XPNPEP2: variants seen among roughly 807,000 people sequenced by gnomAD.
The protein encoded by XPNPEP2 is X-prolyl aminopeptidase 2, also known as xaa-Pro aminopeptidase 2.
A neutral mutation model predicts 59.8 loss-of-function variants in XPNPEP2; 64 were observed. The observed-to-expected ratio is 1.07, with a 90% confidence interval of 0.87 to 1.32. The LOEUF is 1.32. Among genes scored for constraint, XPNPEP2 ranks in the 40% most tolerant of loss-of-function variants. The pLI is 0.00. For missense variants in XPNPEP2, 575 were observed against 546.8 expected (o/e 1.05, Z -0.51); for synonymous variants, 235 against 210.0 (o/e 1.12, Z -1.03).
At chrX:129,763,293 G>A (rs1926689895) in intron 19 of XPNPEP2, among the ~76,000 whole-genome samples, 1 of 112,248 alleles carries the variant, frequency 8.9e-6, no homozygotes, top group Non-Finnish European at 1.9e-5. Flanking sequence ...GTGCTAACTG[G>A]ATACTTTTGT....
intron 2 of XPNPEP2, among the ~76,000 whole-genome samples, chrX:129,742,968 G>C (rs969287504): frequency 2.7e-5 from 3 of 111,923 alleles, no homozygotes; most frequent in African/African-American, 9.7e-5. Flanking sequence ...GGGAGGCCTA[G>C]GGTGTGCAGA....
At chrX:129,748,508 T>A (rs1331270593) in intron 7 of XPNPEP2, among the ~76,000 whole-genome samples, 1 of 111,970 alleles carries the variant, frequency 8.9e-6, no homozygotes, top group Non-Finnish European at 1.9e-5. Context: ...CTAGTAACAT[T>A]GATCAAGCCA....
chrX:129,751,587 A>AAAGG (rs1926410289), intron 8 of XPNPEP2, among the ~76,000 whole-genome samples, 158 bp from the exon 9 acceptor site: 1 of 66,089 alleles, frequency 1.5e-5, no homozygotes, highest in Admixed American at 1.8e-4. Context: ...AGAAAGAAAG[A>AAAGG]AAGAAAGAAA....
rs1419614148 is a variant in XPNPEP2 at position 129,753,756 on chromosome X, G to A, written c.1107+508G>A. Reference sequence around the variant, plus strand: ...TACAGTGGTTTAGAGCACAGGCCCTGGAGCTAGGGTGCCTTGAGTTCAAAC... The same window carrying A: ...TACAGTGGTTTAGAGCACAGGCCCTAGAGCTAGGGTGCCTTGAGTTCAAAC... On this transcript the variant is annotated intron_variant, in intron 11 of 20. Coordinates refer to ENST00000371106, the MANE Select transcript of XPNPEP2 (RefSeq NM_003399.6). 6.3e-5 allele frequency among the ~76,000 whole-genome samples: 7 copies of A among 111,885 alleles called. No individual in the cohort carries two copies. In the Admixed American group the frequency reaches 6.6e-4, roughly 11 times the overall value.
Position 129,768,540 on chromosome X carries a change from G to A in XPNPEP2, c.*55G>A, listed in dbSNP as rs1204951550. ...TCTAGATGGGGGGCTCCCTTGCTTAGCTCCCCTCACCCTGCACTGAACATA... is the reference window on the plus strand; with the variant it reads ...TCTAGATGGGGGGCTCCCTTGCTTAACTCCCCTCACCCTGCACTGAACATA... On this transcript the variant is annotated 3_prime_UTR_variant, in exon 21 of 21. Transcript: ENST00000371106. 71 of 1,048,390 alleles carry A rather than the reference G, an allele frequency of 6.8e-5. No individual in the cohort carries two copies. Among genetic ancestry groups the A allele is most frequent in the Non-Finnish European group, 8.8e-5 (70 of 796,845 alleles). The allele number at this position is 1,048,390 out of a possible 1,213,427, so 86.4% of individuals were successfully genotyped here.
intron 5 of XPNPEP2, 101 bp from the exon 6 acceptor site, chrX:129,746,494 G>A: frequency 3.1e-6 from 3 of 977,265 alleles, no homozygotes; most frequent in South Asian, 3.9e-5. Flanking sequence ...CTGATCTCAA[G>A]GAAGACACAC....
At chrX:129,752,389 C>T (rs1569476717) in intron 10 of XPNPEP2, 44 bp downstream of exon 10, 1 of 1,174,931 alleles carries the variant, frequency 8.5e-7, no homozygotes, top group South Asian at 1.9e-5. Context: ...CCAATCCCCA[C>T]TCTAGGCCTG....
At chrX:129,747,865 C>G in intron 7 of XPNPEP2, 112 bp downstream of exon 7, 1 of 1,076,015 alleles carries the variant, frequency 9.3e-7, no homozygotes, top group Middle Eastern at 2.5e-4. Flanking sequence ...GGTTTGCAAA[C>G]CTTAGCATGC....
Position 129,754,501 on chromosome X carries a change from C to T in XPNPEP2, c.1137C>T (p.Tyr379=). Residue 379 remains tyrosine (Y), a synonymous_variant, in exon 12 of 21, where the codon TAC becomes TAT. Coordinates refer to ENST00000371106, the MANE Select transcript of XPNPEP2 (RefSeq NM_003399.6). The part of the protein sequence containing the change: ...HVRDAVAVIR[Y]LVWLEKNVPK... ...GGGACGCTGTGGCTGTGATCCGGTA[C>T]TTGGTCTGGCTGGAGAAGAACGTGC... The T allele has an allele frequency of 8.4e-7, 1 of 1,194,502 alleles. No individual in the cohort carries two copies. Among genetic ancestry groups the T allele is most frequent in the Non-Finnish European group, 1.1e-6 (1 of 887,659 alleles).
chrX:129,767,515 C>T (rs763262475), intron 19 of XPNPEP2, 88 bp from the exon 20 acceptor site: 35 of 951,584 alleles, frequency 3.7e-5, no homozygotes, highest in South Asian at 3.2e-4. Flanking sequence ...TTGTGTCCTC[C>T]GGGTGGAGTG....
At chrX:129,760,712 G>C (rs1926640849) in intron 16 of XPNPEP2, 131 bp downstream of exon 16, 1 of 694,837 alleles carries the variant, frequency 1.4e-6, no homozygotes, top group Non-Finnish European at 2.2e-6. Context: ...AGAAAATCCA[G>C]CCTAGAGAGA....
intron 1 of XPNPEP2, 122 bp downstream of exon 1, chrX:129,739,384 A>G: frequency 2.7e-6 from 2 of 736,292 alleles, no homozygotes; most frequent in Non-Finnish European, 2.0e-6. Context: ...CTCTGACTTG[A>G]GGAAGAGACA....
chrX:129,739,201 A>T lies in XPNPEP2; in HGVS notation c.-13A>T, dbSNP rs1171566142. On this transcript the variant is annotated 5_prime_UTR_variant, in exon 1 of 21. Coordinates refer to ENST00000371106, the MANE Select transcript of XPNPEP2 (RefSeq NM_003399.6). ...GTCCCTCCATCCACCCAGCGCCGGC[A>T]TCTGGAGACCCTATGGCCCGGGCTC... is the stretch of plus-strand genomic sequence containing the variant. The T allele has an allele frequency of 1.3e-5, 16 of 1,206,129 alleles. No individual in the cohort carries two copies. The highest frequency in any genetic ancestry group is 1.8e-5 in the African/African-American group (1 of 56,987).
intron 17 of XPNPEP2, 47 bp downstream of exon 17, chrX:129,761,323 C>A: frequency 2.8e-6 from 3 of 1,055,418 alleles, no homozygotes; most frequent in Non-Finnish European, 3.9e-6. Flanking sequence ...TTTTATTATA[C>A]CCTCTATGAA....
chrX:129,741,461 T>C (rs1409327211), intron 1 of XPNPEP2, among the ~76,000 whole-genome samples: 3 of 112,507 alleles, frequency 2.7e-5, no homozygotes, highest in African/African-American at 9.7e-5. Flanking sequence ...TTCCACCTCA[T>C]AGTGATGTCA....
chrX:129,762,251 C>T (rs969816537), intron 18 of XPNPEP2, among the ~76,000 whole-genome samples, 186 bp downstream of exon 18: 2 of 111,770 alleles, frequency 1.8e-5, no homozygotes, highest in Non-Finnish European at 3.8e-5. Flanking sequence ...TTCCAGCTCC[C>T]CTCAGCCCAG....
At position 129,762,022 on chromosome X, in the gene XPNPEP2, G is replaced by C; in HGVS notation, c.1620G>C (p.Gln540His). 1 of 1,211,774 alleles carries C rather than the reference G, an allele frequency of 8.3e-7. No homozygotes were observed. The highest frequency in any genetic ancestry group is 1.8e-5 in the South Asian group (1 of 57,009). The change falls in exon 18 of 21, where the codon CAG (glutamine) becomes CAC (histidine). Residue 540 changes from glutamine to histidine, a missense_variant. Physicochemically the swap from Gln to His is conservative, Grantham distance 24 (BLOSUM62 0). Coordinates refer to ENST00000371106, the MANE Select transcript of XPNPEP2 (RefSeq NM_003399.6). ...CCTTTCTAGGGCCAGTGGGATTCCA[G>C]TCCAACAACATCGCTATGGCCAAGG... Reference protein sequence around the residue: ...LCVHEWPVGFQSNNIAMAKGM... With the variant: ...LCVHEWPVGFHSNNIAMAKGM...
intron 2 of XPNPEP2, among the ~76,000 whole-genome samples, chrX:129,743,468 T>C (rs1271677698): frequency 8.9e-6 from 1 of 112,799 alleles, no homozygotes; most frequent in Non-Finnish European, 1.9e-5. Context: ...AATAAGAATT[T>C]AGTGCAAGTA....
chrX:129,746,488 T>C, intron 5 of XPNPEP2, 107 bp from the exon 6 acceptor site: 1 of 965,261 alleles, frequency 1.0e-6, no homozygotes, highest in African/African-American at 1.9e-5. Flanking sequence ...TCAAGGCTGA[T>C]CTCAAGGAAG....
Sources: allele counts gnomAD v4.1 joint callset (sites outside exome capture counted in the v4.1 genomes callset), GRCh38; gene constraint gnomAD v4.1.1; transcripts MANE v1.5; gene names NCBI Gene and HGNC (gene_info 2026-07-23, HGNC 2026-07-21).